Variants in DPT observed in about 807,000 individuals in gnomAD.
DPT encodes the protein tyrosine-rich acidic matrix protein.
A neutral mutation model predicts 31.2 loss-of-function variants in DPT; 21 were observed. The observed-to-expected ratio is 0.67, with a 90% CI of 0.48 to 0.97. DPT has a LOEUF of 0.97. DPT is among the 50% of genes least tolerant of loss of function. DPT has a pLI of 0.00. For missense variants in DPT, 262 were observed against 258.8 expected (o/e 1.01, Z -0.08); for synonymous variants, 91 against 86.9 (o/e 1.05, Z -0.26).
intron 2 of DPT, among the ~76,000 whole-genome samples, chr1:168,711,013 C>A (rs1323045583): frequency 7.0e-6 from 1 of 143,272 alleles, no homozygotes; most frequent in Middle Eastern, 3.2e-3. Flanking sequence ...TTTTTTTCTT[C>A]TTCTTCTTTT....
intron 2 of DPT, 24 bp from the exon 3 acceptor site, chr1:168,701,148 G>A: frequency 6.4e-7 from 1 of 1,552,620 alleles, no homozygotes; most frequent in Non-Finnish European, 8.9e-7. Flanking sequence ...ACAAAGGTTA[G>A]AGGAAAATGA....
chr1:168,718,269 T>C (rs181258262), intron 1 of DPT, among the ~76,000 whole-genome samples: 12 of 152,374 alleles, frequency 7.9e-5, no homozygotes, highest in Admixed American at 7.8e-4. Flanking sequence ...AACTGTTTCA[T>C]GGAGTACCAG....
chr1:168,726,775 T>A (rs1250479063), intron 1 of DPT, among the ~76,000 whole-genome samples: 1 of 152,258 alleles, frequency 6.6e-6, no homozygotes, highest in Non-Finnish European at 1.5e-5. Context: ...CATTAGGCAG[T>A]GGGCCTGGCT....
At position 168,726,018 on chromosome 1, in the gene DPT, C is replaced by T. The variant is rs973798350; in HGVS notation, c.305+2852G>A. Among the ~76,000 whole-genome samples, 3 of 152,278 alleles carry T rather than the reference C, an allele frequency of 2.0e-5. No individual in the cohort carries two copies. The South Asian group carries it at 6.2e-4, about 32-fold the overall frequency. On this transcript the variant is annotated intron_variant, in intron 1 of 3. Coordinates refer to ENST00000367817, the MANE Select transcript of DPT (RefSeq NM_001937.5). ...TGAGACTGGAGGCTGAACTCAAAGGCATAATCATTTTTAAAAGTGCTTCCA... is the reference window on the plus strand; with the variant it reads ...TGAGACTGGAGGCTGAACTCAAAGGTATAATCATTTTTAAAAGTGCTTCCA...
At chr1:168,724,196 T>G (rs1017456160) in intron 1 of DPT, among the ~76,000 whole-genome samples, 1 of 152,242 alleles carries the variant, frequency 6.6e-6, no homozygotes, top group Admixed American at 6.5e-5. Context: ...CCTCTGTGCA[T>G]GTTTTAGCGA....
Position 168,696,243 on chromosome 1 carries a change from T to C in DPT, c.*306A>G. ...AAAGCAGTAGCCAGGCTGCAGCTGG[T>C]GCTCCAGAAGCCCGGCTGTAAGCAT... On this transcript the variant is annotated 3_prime_UTR_variant, in exon 4 of 4. Coordinates refer to ENST00000367817, the MANE Select transcript of DPT (RefSeq NM_001937.5). 2.3e-6 allele frequency: 1 copy of C among 433,018 alleles called. No individual in the cohort carries two copies. The allele number at this position is 433,018 out of a possible 1,614,324, so 26.8% of individuals were successfully genotyped here.
At chr1:168,725,419 T>C (rs1284887814) in intron 1 of DPT, among the ~76,000 whole-genome samples, 1 of 152,004 alleles carries the variant, frequency 6.6e-6, no homozygotes, top group Non-Finnish European at 1.5e-5. Flanking sequence ...TGAATCCAGG[T>C]TTCCTGCATC....
chr1:168,722,672 T>C (rs886572713), intron 1 of DPT, among the ~76,000 whole-genome samples: 1 of 152,198 alleles, frequency 6.6e-6, no homozygotes, highest in African/African-American at 2.4e-5. Context: ...ATATATTATC[T>C]TATTTAATTC....
At chr1:168,702,499 CTG>C (rs1649620259) in intron 2 of DPT, among the ~76,000 whole-genome samples, 1 of 152,068 alleles carries the variant, frequency 6.6e-6, no homozygotes, top group Non-Finnish European at 1.5e-5. Context: ...AGTGAGGTAC[CTG>C]TGTTTTTGCT....
At chr1:168,704,720 C>T (rs1649680724) in intron 2 of DPT, among the ~76,000 whole-genome samples, 1 of 152,204 alleles carries the variant, frequency 6.6e-6, no homozygotes. Flanking sequence ...TAAGAAAAAA[C>T]TTGATAACAT....
In DPT at chr1:168,728,456, A is replaced by G. The variant is rs1015125269; in HGVS notation, c.305+414T>C. 2.0e-5 allele frequency among the ~76,000 whole-genome samples: 3 copies of G among 152,226 alleles called. No individual in the cohort carries two copies. The South Asian group carries it at 6.2e-4, about 32-fold the overall frequency. The stretch of plus-strand genomic sequence containing the variant: ...GGCCAGTACTTTTGTAAAATGGTAA[A>G]AATAAATTTCTAAAAAAGAAAAATG... On this transcript the variant is annotated intron_variant, in intron 1 of 3. Coordinates refer to ENST00000367817, the MANE Select transcript of DPT (RefSeq NM_001937.5).
chr1:168,716,077 C>T (rs1649981458), intron 1 of DPT, among the ~76,000 whole-genome samples: 1 of 152,150 alleles, frequency 6.6e-6, no homozygotes, highest in African/African-American at 2.4e-5. Flanking sequence ...TTATTCTTTT[C>T]CATTGCTGAA....
intron 1 of DPT, among the ~76,000 whole-genome samples, chr1:168,719,759 A>G (rs559404260): frequency 4.8e-4 from 72 of 151,132 alleles, no homozygotes; most frequent in African/African-American, 1.7e-3. Flanking sequence ...CTGGTACCTT[A>G]CTTACAAGAC....
chr1:168,704,474 G>A (rs914441395), intron 2 of DPT, among the ~76,000 whole-genome samples: 4 of 152,182 alleles, frequency 2.6e-5, no homozygotes, highest in African/African-American at 9.7e-5. Flanking sequence ...GTGAACCCGG[G>A]AGGCGGAGCT....
chr1:168,712,958 AT>A (rs1415401642), intron 2 of DPT, among the ~76,000 whole-genome samples: 1 of 152,040 alleles, frequency 6.6e-6, no homozygotes, highest in Non-Finnish European at 1.5e-5. Flanking sequence ...GGTGGTCATC[AT>A]TTTAGGTGAT....
intron 1 of DPT, among the ~76,000 whole-genome samples, chr1:168,725,688 CAG>C (rs1301295012): frequency 6.6e-6 from 1 of 152,180 alleles, no homozygotes; most frequent in African/African-American, 2.4e-5. Context: ...TGATTTTCAA[CAG>C]AGAAACTGTG....
In DPT at chr1:168,695,692, T is replaced by A. The variant is rs1399182826; in HGVS notation, c.*857A>T. 2 of 152,290 alleles carry A rather than the reference T, an allele frequency of 1.3e-5. No homozygotes were observed. The highest frequency in any genetic ancestry group is 4.8e-5 in the African/African-American group (2 of 41,434). The allele number at this position is 152,290 out of a possible 1,614,324, so 9.4% of individuals were successfully genotyped here. A position where few individuals can be genotyped will look rare whatever the true frequency, so the allele number is the denominator to read the frequency against. ...CAGGGTTCCAGGGTGTCTGCCAGCC[T>A]TCCTAGGAATCGTGGGCAGGCTTCT... On this transcript the variant is annotated 3_prime_UTR_variant, in exon 4 of 4. Coordinates refer to ENST00000367817, the MANE Select transcript of DPT (RefSeq NM_001937.5).
intron 1 of DPT, among the ~76,000 whole-genome samples, chr1:168,715,326 C>T (rs575508476): frequency 7.9e-5 from 12 of 152,246 alleles, no homozygotes; most frequent in East Asian, 3.9e-4. Flanking sequence ...ATTCCTATGG[C>T]GTCTTCAGGC....
At position 168,705,213 on chromosome 1, in the gene DPT, C is replaced by T. The variant is rs138785136; in HGVS notation, c.432-4089G>A. On this transcript the variant is annotated intron_variant, in intron 2 of 3. Coordinates refer to ENST00000367817, the MANE Select transcript of DPT (RefSeq NM_001937.5). The stretch of plus-strand genomic sequence containing the variant: ...AAACCCACCTCTACGAGACCTTATT[C>T]GGAGCTAGACACTTTTCTTCTATGA... Among the ~76,000 whole-genome samples the T allele has an allele frequency of 1.8e-3, 279 of 152,298 alleles. 2 individuals are homozygous for T. The highest frequency in any genetic ancestry group is 4.4e-3 in the African/African-American group (184 of 41,558).
Sources: allele counts gnomAD v4.1 joint callset (sites outside exome capture counted in the v4.1 genomes callset), GRCh38; gene constraint gnomAD v4.1.1; transcripts MANE v1.5; gene names NCBI Gene and HGNC (gene_info 2026-07-23, HGNC 2026-07-21).